The following SNX29 variants were observed in gnomAD, a reference collection of about 807,000 sequenced individuals.
SNX29 encodes the protein sorting nexin 29.
In SNX29, 78 loss-of-function variants were observed where a neutral mutation model predicts 102.1. The ratio of observed to expected loss-of-function variants is 0.76; its 90% CI spans 0.64 to 0.92. The LOEUF (loss-of-function observed/expected upper bound fraction) is 0.92, where lower values mean the gene tolerates loss of function less well. Ranked by LOEUF, SNX29 falls within the 40% of genes least tolerant of loss-of-function variation. The pLI, the probability that SNX29 is intolerant of heterozygous loss-of-function variation, is 0.00. For synonymous variants in SNX29, 580 were observed against 414.5 expected (o/e 1.40, Z -4.85); for missense variants, 1,280 against 1,061.7 (o/e 1.21, Z -2.86).
intron 11 of SNX29, 56 bp from the exon 12 acceptor site, chr16:12,126,577 C>A: frequency 6.4e-7 from 1 of 1,557,972 alleles, no homozygotes; most frequent in Non-Finnish European, 8.8e-7. Context: ...GAGGTGAGGG[C>A]ATGCTGTAAC....
At chr16:12,421,828 TAGCCATGCATCACCATCACC>T (rs1209754431) in intron 18 of SNX29, among the ~76,000 whole-genome samples, 5 of 150,966 alleles carry the variant, frequency 3.3e-5, no homozygotes, top group Non-Finnish European at 5.9e-5. Flanking sequence ...TCACCATCAC[TAGCCATGCATCACCATCACC>T]AGCCATCCAT....
chr16:12,235,620 C>T (rs150483003), intron 14 of SNX29, among the ~76,000 whole-genome samples: 14 of 152,054 alleles, frequency 9.2e-5, no homozygotes, highest in African/African-American at 3.1e-4. Context: ...TCTTGCTTTA[C>T]GATTCAGTAG....
chr16:12,073,254 T>TC (rs2051382484), intron 10 of SNX29, among the ~76,000 whole-genome samples: 1 of 152,204 alleles, frequency 6.6e-6, no homozygotes, highest in Non-Finnish European at 1.5e-5. Context: ...GTTCTTTTAA[T>TC]TGTGATGTTA....
At chr16:12,263,761 C>CAT (rs546691108) in intron 14 of SNX29, among the ~76,000 whole-genome samples, 7 of 151,950 alleles carry the variant, frequency 4.6e-5, no homozygotes, top group East Asian at 1.9e-4. Flanking sequence ...TTGACTGATA[C>CAT]ATATATATAT....
At position 12,568,761 on chromosome 16, in the gene SNX29, C is replaced by T. The variant is rs372270703; in HGVS notation, c.*132C>T. 1.4e-4 allele frequency: 185 copies of T among 1,341,420 alleles called. No homozygotes were observed. In the African/African-American group the frequency reaches 2.3e-3, roughly 17 times the overall value. The allele number at this position is 1,341,420 out of a possible 1,614,324, so 83.1% of individuals were successfully genotyped here. On this transcript the variant is annotated 3_prime_UTR_variant, in exon 21 of 21. Transcript: ENST00000566228. ...GATCCTGAGAGCACACGATTCCCAA[C>T]AGTTACACAACACCCCGATTAAACT...
At chr16:12,242,551 C>G (rs571620048) in intron 14 of SNX29, among the ~76,000 whole-genome samples, 4 of 146,686 alleles carry the variant, frequency 2.7e-5, no homozygotes, top group African/African-American at 1.1e-4. Flanking sequence ...TCAGCTGTGT[C>G]TGATTTGGCC....
At chr16:12,565,599 T>C (rs1362881232) in intron 20 of SNX29, among the ~76,000 whole-genome samples, 1 of 151,988 alleles carries the variant, frequency 6.6e-6, no homozygotes, top group Non-Finnish European at 1.5e-5. Flanking sequence ...CAGCCTACAC[T>C]CACTGGGACT....
chr16:12,389,693 A>C (rs879510701), intron 16 of SNX29, among the ~76,000 whole-genome samples: 7 of 152,218 alleles, frequency 4.6e-5, no homozygotes, highest in Non-Finnish European at 8.8e-5. Flanking sequence ...TTAGCAACTC[A>C]GTAGGGGTAA....
chr16:12,001,728 G>A (rs2056294949), intron 2 of SNX29, among the ~76,000 whole-genome samples: 1 of 152,110 alleles, frequency 6.6e-6, no homozygotes, highest in Admixed American at 6.6e-5. Context: ...TAAAAGAAAA[G>A]ACAAGTAGGC....
chr16:12,330,926 C>T (rs901209627), intron 15 of SNX29, among the ~76,000 whole-genome samples: 2 of 152,262 alleles, frequency 1.3e-5, no homozygotes, highest in African/African-American at 4.8e-5. Context: ...TGGTTGGCCA[C>T]TCCAGGCATG....
intron 20 of SNX29, among the ~76,000 whole-genome samples, chr16:12,558,057 G>GAC (rs1485821702): frequency 6.6e-6 from 1 of 152,206 alleles, no homozygotes; most frequent in Non-Finnish European, 1.5e-5. Context: ...TTACAACAGA[G>GAC]ACATGATTGT....
chr16:12,000,956 G>C (rs1334052931), intron 2 of SNX29, among the ~76,000 whole-genome samples: 1 of 152,202 alleles, frequency 6.6e-6, no homozygotes, highest in Non-Finnish European at 1.5e-5. Context: ...CCTGGACAGA[G>C]CCTGGTCCTC....
At chr16:12,530,311 CAG>C (rs2076897411) in intron 20 of SNX29, among the ~76,000 whole-genome samples, 1 of 151,872 alleles carries the variant, frequency 6.6e-6, no homozygotes, top group African/African-American at 2.4e-5. Flanking sequence ...TACCAACAGA[CAG>C]GGAGCCTCGG....
chr16:12,084,423 T>C (rs1024686998), intron 11 of SNX29, among the ~76,000 whole-genome samples: 2 of 152,198 alleles, frequency 1.3e-5, no homozygotes, highest in African/African-American at 4.8e-5. Context: ...AAGTTAATTA[T>C]TTAGCAAAGC....
At chr16:11,988,267 C>G (rs548764127) in intron 1 of SNX29, among the ~76,000 whole-genome samples, 1 of 146,518 alleles carries the variant, frequency 6.8e-6, no homozygotes, top group Non-Finnish European at 1.5e-5. Context: ...GCACTCCAGC[C>G]TGGGCGACAG....
intron 18 of SNX29, among the ~76,000 whole-genome samples, chr16:12,472,528 C>CA (rs2087397449): frequency 5.4e-5 from 6 of 111,524 alleles, no homozygotes; most frequent in East Asian, 4.0e-4. Flanking sequence ...CAAAAAAAAA[C>CA]CAAAAAAAAA....
intron 1 of SNX29, among the ~76,000 whole-genome samples, chr16:11,994,281 AT>A (rs2055972446): frequency 6.6e-6 from 1 of 152,062 alleles, no homozygotes; most frequent in African/African-American, 2.4e-5. Context: ...GTGCCTTTCC[AT>A]TTTCTGTTTT....
At chr16:12,128,609 C>T (rs1419241371) in intron 12 of SNX29, among the ~76,000 whole-genome samples, 1 of 152,004 alleles carries the variant, frequency 6.6e-6, no homozygotes, top group Non-Finnish European at 1.5e-5. Flanking sequence ...TGTACTACCA[C>T]ACCTGAGTAA....
At chr16:12,429,115 T>A (rs1028273816) in intron 18 of SNX29, among the ~76,000 whole-genome samples, 6 of 152,200 alleles carry the variant, frequency 3.9e-5, no homozygotes, top group Non-Finnish European at 7.3e-5. Context: ...TTGCGATTAA[T>A]AGCTCTTTCT....
Sources: gnomAD v4.1 joint callset for allele counts (sites outside exome capture counted in the v4.1 genomes callset) on GRCh38, gnomAD v4.1.1 for gene constraint, MANE v1.5 for transcripts, NCBI Gene and HGNC (gene_info 2026-07-23, HGNC 2026-07-21) for gene names.